ELMO1: variants seen among roughly 807,000 people sequenced by gnomAD.
The protein encoded by ELMO1 is engulfment and cell motility protein 1.
A neutral mutation model predicts 98.9 loss-of-function variants in ELMO1; 26 were observed. The observed-to-expected ratio is 0.26, with a 90% CI of 0.19 to 0.36. The LOEUF is 0.36. Among genes scored for constraint, ELMO1 ranks in the 10% least tolerant of loss-of-function variants. The pLI is 1.00. For synonymous variants in ELMO1, 346 were observed against 346.0 expected (o/e 1.00, Z 0.00); for missense variants, 627 against 935.2 (o/e 0.67, Z 4.30).
At chr7:37,000,701 T>C (rs895340033) in intron 16 of ELMO1, among the ~76,000 whole-genome samples, 1 of 152,096 alleles carries the variant, frequency 6.6e-6, no homozygotes, top group African/African-American at 2.4e-5. Flanking sequence ...GGATGGAAGG[T>C]TGACAGTCAC....
At chr7:37,115,582 G>A (rs1785536803) in intron 14 of ELMO1, among the ~76,000 whole-genome samples, 2 of 152,090 alleles carry the variant, frequency 1.3e-5, no homozygotes, top group South Asian at 2.1e-4. Flanking sequence ...AGCAAACTAA[G>A]AATAGAGCAG....
chr7:37,077,140 G>T (rs1797626107), intron 15 of ELMO1, among the ~76,000 whole-genome samples: 1 of 152,194 alleles, frequency 6.6e-6, no homozygotes, highest in Non-Finnish European at 1.5e-5. Flanking sequence ...ACTAGAATTG[G>T]GATGGAACTG....
chr7:37,334,279 C>A (rs529342291), intron 2 of ELMO1, among the ~76,000 whole-genome samples: 1 of 152,200 alleles, frequency 6.6e-6, no homozygotes, highest in African/African-American at 2.4e-5. Flanking sequence ...AACCCTGTCT[C>A]TACTAAAAAT....
At chr7:37,244,736 T>C (rs1357544361) in intron 6 of ELMO1, among the ~76,000 whole-genome samples, 1 of 152,182 alleles carries the variant, frequency 6.6e-6, no homozygotes, top group Admixed American at 6.5e-5. Context: ...ACATTTTAAA[T>C]GAAAAAACAT....
rs528190942 is a variant in ELMO1, at chr7:36,963,250, C to T, written c.1437+50049G>A. ...AAAATTAGCTGGGCGTGGTGCCGTG[C>T]GCCTGTACTCCTAGCTATTCAGGAG... On this transcript the variant is annotated intron_variant, in intron 16 of 21. Transcript: ENST00000310758. Among the ~76,000 whole-genome samples the T allele has an allele frequency of 2.3e-4, 35 of 152,130 alleles. 1 individual carries two copies. The South Asian group carries it at 6.7e-3, about 29-fold the overall frequency.
chr7:37,032,125 A>T (rs1168787664), intron 15 of ELMO1, among the ~76,000 whole-genome samples: 3 of 152,076 alleles, frequency 2.0e-5, no homozygotes, highest in African/African-American at 7.2e-5. Flanking sequence ...ACCCCTACTG[A>T]TTGGCTTCCT....
At chr7:37,438,126 C>T (rs774256058) in intron 1 of ELMO1, among the ~76,000 whole-genome samples, 5 of 152,130 alleles carry the variant, frequency 3.3e-5, no homozygotes, top group Non-Finnish European at 5.9e-5. Flanking sequence ...TCTTTCCCTG[C>T]CAACCCCACC....
At chr7:37,115,249 T>C (rs1002152670) in intron 14 of ELMO1, among the ~76,000 whole-genome samples, 3 of 152,168 alleles carry the variant, frequency 2.0e-5, no homozygotes, top group African/African-American at 4.8e-5. Context: ...TAACTAATTC[T>C]ATAAAACCAG....
At chr7:36,872,162 G>A (rs1195229487) in intron 19 of ELMO1, among the ~76,000 whole-genome samples, 1 of 152,160 alleles carries the variant, frequency 6.6e-6, no homozygotes, top group African/African-American at 2.4e-5. Context: ...CTAGGTGGAG[G>A]CCCTCCATTC....
chr7:36,990,665 C>T (rs1043206964), intron 16 of ELMO1, among the ~76,000 whole-genome samples: 12 of 152,026 alleles, frequency 7.9e-5, no homozygotes, highest in African/African-American at 2.2e-4. Context: ...GATTCAATCT[C>T]ATGAAATTTT....
At chr7:37,334,637 T>C (rs1354837604) in intron 2 of ELMO1, among the ~76,000 whole-genome samples, 1 of 152,204 alleles carries the variant, frequency 6.6e-6, no homozygotes, top group African/African-American at 2.4e-5. Flanking sequence ...GGCCTTCTAT[T>C]GCCTGCCACA....
chr7:37,092,655 G>A (rs760308475), intron 15 of ELMO1, among the ~76,000 whole-genome samples: 8 of 152,068 alleles, frequency 5.3e-5, no homozygotes, highest in Admixed American at 2.0e-4. Flanking sequence ...GATTACAGGC[G>A]TGAGCCAACA....
chr7:37,000,250 G>A (rs1335196023), intron 16 of ELMO1, among the ~76,000 whole-genome samples: 1 of 152,152 alleles, frequency 6.6e-6, no homozygotes, highest in Non-Finnish European at 1.5e-5. Context: ...AACACATAGT[G>A]GCCAGGGAGC....
chr7:36,870,328 G>A lies in ELMO1; in HGVS notation c.1905+65C>T. The A allele has an allele frequency of 6.9e-7, 1 of 1,443,584 alleles. No homozygotes were observed. The highest frequency in any genetic ancestry group is 9.7e-7 in the Non-Finnish European group (1 of 1,027,872). 89.4% of individuals were successfully genotyped at this position (1,443,584 alleles called of 1,614,324 possible). On this transcript the variant is annotated intron_variant, in intron 20 of 21. Coordinates refer to ENST00000310758, the MANE Select transcript of ELMO1 (RefSeq NM_014800.11). The surrounding 1 kb of genome is among the most constrained non-coding windows in gnomAD (Gnocchi z 4.4). ...CGAACACTGCTATAAAGGAGGGCTA[G>A]GCTGGCTGCAGTTGCCGACCGCACT...
intron 13 of ELMO1, among the ~76,000 whole-genome samples, chr7:37,167,321 G>A (rs558474899): frequency 6.6e-6 from 1 of 152,272 alleles, no homozygotes; most frequent in South Asian, 2.1e-4. Context: ...TTTAATTGAA[G>A]CATTTCGTCC....
chr7:37,206,634 C>A (rs994812102), intron 13 of ELMO1, among the ~76,000 whole-genome samples: 2 of 152,104 alleles, frequency 1.3e-5, no homozygotes, highest in Non-Finnish European at 1.5e-5. Context: ...CTTCCATCAC[C>A]CAAGAAGGTA....
intron 4 of ELMO1, among the ~76,000 whole-genome samples, chr7:37,290,432 T>G (rs1797616150): frequency 6.6e-6 from 1 of 152,188 alleles, no homozygotes; most frequent in Non-Finnish European, 1.5e-5. Flanking sequence ...CTTTAAAAGA[T>G]GATAAATACA....
intron 16 of ELMO1, among the ~76,000 whole-genome samples, chr7:36,979,027 G>A (rs184541581): frequency 1.3e-4 from 20 of 152,268 alleles, no homozygotes; most frequent in Non-Finnish European, 8.8e-5. Context: ...GCAACATGGC[G>A]AAACCTAAAT....
intron 1 of ELMO1, chr7:37,375,988 G>T: frequency 1.8e-6 from 1 of 546,500 alleles, no homozygotes; most frequent in South Asian, 1.9e-5. Context: ...GTTTAGAGGA[G>T]GATTTGGTTG....
Sources: gnomAD v4.1 joint callset for allele counts (sites outside exome capture counted in the v4.1 genomes callset) on GRCh38, gnomAD v4.1.1 for gene constraint, Gnocchi (gnomAD v3.1) non-coding constraint, MANE v1.5 for transcripts, NCBI Gene and HGNC (gene_info 2026-07-23, HGNC 2026-07-21) for gene names.